Variants in RSU1 observed in about 807,000 individuals in gnomAD.
The protein encoded by RSU1 is rsu-1.
RSU1 carries 26 observed loss-of-function variants against 31.1 expected under a neutral mutation model. The observed-to-expected ratio is 0.84, with a 90% CI of 0.61 to 1.16. RSU1 has a LOEUF of 1.16. Among genes scored for constraint, RSU1 ranks in the 50% most tolerant of loss-of-function variants. The pLI is 0.00. For synonymous variants in RSU1, 164 were observed against 136.3 expected, an observed-to-expected ratio of 1.20 and a Z score of -1.41; for missense variants, 320 against 339.1, an observed-to-expected ratio of 0.94 and a Z score of 0.44.
chr10:16,817,385 C>G lies in RSU1; in HGVS notation c.-74G>C. The stretch of plus-strand genomic sequence containing the variant: ...CGGCAGAACGCACTCCAGCTGCCCT[C>G]ACTCCCTGCAACACCGGCACTGAAC... On this transcript the variant is annotated 5_prime_UTR_variant, in exon 1 of 9. Coordinates refer to ENST00000345264, the MANE Select transcript of RSU1 (RefSeq NM_012425.4). 2.8e-6 allele frequency: 1 copy of G among 361,442 alleles called. No individual in the cohort carries two copies. The highest frequency in any genetic ancestry group is 3.0e-5 in the South Asian group (1 of 32,840). 22.4% of individuals were successfully genotyped at this position (361,442 alleles called of 1,614,324 possible).
intron 8 of RSU1, among the ~76,000 whole-genome samples, chr10:16,677,742 C>T (rs1835259533): frequency 6.6e-6 from 1 of 152,150 alleles, no homozygotes; most frequent in African/African-American, 2.4e-5. Flanking sequence ...AATAATATAG[C>T]TCCAAGATTA....
chr10:16,618,708 C>G (rs1246358554), intron 8 of RSU1, among the ~76,000 whole-genome samples: 2 of 152,162 alleles, frequency 1.3e-5, no homozygotes, highest in African/African-American at 4.8e-5. Context: ...AGCCATCATT[C>G]TCAGCAAACT....
chr10:16,606,677 G>C (rs1173415489), intron 8 of RSU1, among the ~76,000 whole-genome samples: 1 of 152,164 alleles, frequency 6.6e-6, no homozygotes, highest in African/African-American at 2.4e-5. Flanking sequence ...GCAATATCAC[G>C]TGAAGGAAAC....
At chr10:16,615,152 GACAA>G (rs1183280831) in intron 8 of RSU1, among the ~76,000 whole-genome samples, 8 of 151,042 alleles carry the variant, frequency 5.3e-5, no homozygotes, top group Middle Eastern at 3.4e-3. Flanking sequence ...CACGTGCAAA[GACAA>G]ACAAAGGCTC....
intron 2 of RSU1, among the ~76,000 whole-genome samples, chr10:16,815,604 A>T (rs7899853): frequency 0.2 from 30,334 of 152,078 alleles, 3,491 homozygotes; most frequent in African/African-American, 0.32. Flanking sequence ...CACTATTATT[A>T]AAAAAATGCA....
At chr10:16,664,083 A>T (rs1476090807) in intron 8 of RSU1, among the ~76,000 whole-genome samples, 4 of 152,130 alleles carry the variant, frequency 2.6e-5, no homozygotes, top group African/African-American at 9.7e-5. Context: ...CCTTTCCTTT[A>T]TTGCAAATTT....
intron 2 of RSU1, among the ~76,000 whole-genome samples, chr10:16,813,684 G>A (rs7091240): frequency 0.18 from 27,363 of 152,132 alleles, 2,646 homozygotes; most frequent in African/African-American, 0.24. Flanking sequence ...TTGAATCCAC[G>A]TCTATCCAAA....
intron 7 of RSU1, among the ~76,000 whole-genome samples, chr10:16,716,893 T>C (rs1836153026): frequency 6.6e-6 from 1 of 152,166 alleles, no homozygotes; most frequent in East Asian, 1.9e-4. Flanking sequence ...GATCACGTAA[T>C]CTTAATATTC....
At chr10:16,815,176 TG>T (rs1838502109) in intron 2 of RSU1, among the ~76,000 whole-genome samples, 1 of 152,246 alleles carries the variant, frequency 6.6e-6, no homozygotes, top group Non-Finnish European at 1.5e-5. Flanking sequence ...CAGAGGCATC[TG>T]CTCAGTTGCT....
intron 2 of RSU1, among the ~76,000 whole-genome samples, chr10:16,805,512 A>G (rs1469928771): frequency 6.6e-6 from 1 of 151,318 alleles, no homozygotes; most frequent in Admixed American, 6.6e-5. Flanking sequence ...TCTACTAAAA[A>G]TACAAAAAAA....
intron 4 of RSU1, among the ~76,000 whole-genome samples, chr10:16,757,013 GGT>G (rs772606553): frequency 1.3e-5 from 2 of 149,528 alleles, no homozygotes; most frequent in Non-Finnish European, 3.0e-5. Flanking sequence ...GGGGTGTGGT[GGT>G]GTGTGTGTAC....
intron 8 of RSU1, among the ~76,000 whole-genome samples, chr10:16,656,723 T>C (rs1299862771): frequency 6.6e-6 from 1 of 152,232 alleles, no homozygotes; most frequent in Non-Finnish European, 1.5e-5. Flanking sequence ...TCGGCTTATA[T>C]ATATTAATCC....
At chr10:16,593,622 T>G in intron 8 of RSU1, 126 bp from the exon 9 acceptor site, 1 of 744,332 alleles carries the variant, frequency 1.3e-6, no homozygotes, top group Non-Finnish European at 2.3e-6. Context: ...AACCAAAAGA[T>G]CACTTCTGTG....
intron 8 of RSU1, among the ~76,000 whole-genome samples, chr10:16,642,616 T>C (rs1046846944): frequency 1.3e-5 from 2 of 152,170 alleles, no homozygotes; most frequent in Non-Finnish European, 2.9e-5. Context: ...ATTAGAGCAT[T>C]ATTCTTAAAA....
At chr10:16,683,693 G>A (rs540671398) in intron 8 of RSU1, among the ~76,000 whole-genome samples, 16 of 152,296 alleles carry the variant, frequency 1.1e-4, no homozygotes, top group Non-Finnish European at 1.8e-4. Flanking sequence ...GACCACGGTC[G>A]TGACACAGCC....
At chr10:16,704,282 T>A (rs931759731) in intron 7 of RSU1, among the ~76,000 whole-genome samples, 2 of 152,160 alleles carry the variant, frequency 1.3e-5, no homozygotes, top group Non-Finnish European at 2.9e-5. Flanking sequence ...ATGTACCAGG[T>A]GTCATTTCAG....
At chr10:16,704,095 T>C (rs61842315) in intron 7 of RSU1, among the ~76,000 whole-genome samples, 23,050 of 152,050 alleles carry the variant, frequency 0.15, 2,059 homozygotes, top group East Asian at 0.36. Flanking sequence ...GGATAAAATT[T>C]TTAACATTAG....
At chr10:16,812,757 T>C (rs1838434593) in intron 2 of RSU1, among the ~76,000 whole-genome samples, 1 of 151,390 alleles carries the variant, frequency 6.6e-6, no homozygotes. Flanking sequence ...GGCAATACAC[T>C]TGAAGAGATT....
chr10:16,639,276 C>T (rs548366633), intron 8 of RSU1, among the ~76,000 whole-genome samples: 1 of 152,300 alleles, frequency 6.6e-6, no homozygotes, highest in Admixed American at 6.5e-5. Flanking sequence ...GCAGCTTATC[C>T]AGTTACTATA....
Sources: gnomAD v4.1 joint callset for allele counts (sites outside exome capture counted in the v4.1 genomes callset) on GRCh38, gnomAD v4.1.1 for gene constraint, MANE v1.5 for transcripts, NCBI Gene and HGNC (gene_info 2026-07-23, HGNC 2026-07-21) for gene names.